The following GPC5 variants were observed in gnomAD, a reference collection of about 807,000 sequenced individuals.
GPC5 encodes the protein glypican-5.
In GPC5, 47 loss-of-function variants were observed where a neutral mutation model predicts 53.9. The observed-to-expected ratio is 0.87, with a 90% CI of 0.69 to 1.11. The LOEUF is 1.11. Ranked by LOEUF, GPC5 falls within the 50% of genes most tolerant of loss-of-function variation. GPC5 has a pLI of 0.00. For missense variants in GPC5, 748 were observed against 713.1 expected (o/e 1.05, Z -0.56); for synonymous variants, 286 against 263.3 (o/e 1.09, Z -0.84).
chr13:92,206,155 ATTT>A (rs1266783877), intron 7 of GPC5, among the ~76,000 whole-genome samples: 1 of 54,926 alleles, frequency 1.8e-5, no homozygotes, highest in Non-Finnish European at 3.5e-5. Flanking sequence ...TGTTTTTTTT[ATTT>A]TTTTTTTTAT....
intron 7 of GPC5, among the ~76,000 whole-genome samples, chr13:92,407,764 TAA>T (rs1875857174): frequency 6.6e-6 from 1 of 152,128 alleles, no homozygotes; most frequent in African/African-American, 2.4e-5. Context: ...TATAAAATAT[TAA>T]GACATAAAAA....
chr13:92,079,976 A>G (rs58351565), intron 6 of GPC5, among the ~76,000 whole-genome samples: 87 of 152,088 alleles, frequency 5.7e-4, no homozygotes, highest in African/African-American at 2.0e-3. Flanking sequence ...CTATCCTTTC[A>G]TTTTACAATT....
intron 2 of GPC5, among the ~76,000 whole-genome samples, chr13:91,466,605 G>A (rs1169339153): frequency 6.6e-6 from 1 of 152,092 alleles, no homozygotes. Flanking sequence ...TATTTTAATA[G>A]TCTGGGTGAG....
Position 92,762,471 on chromosome 13 carries a change from A to T in GPC5, c.1562-103811A>T, listed in dbSNP as rs915227055. On this transcript the variant is annotated intron_variant, in intron 7 of 7. Coordinates refer to ENST00000377067, the MANE Select transcript of GPC5 (RefSeq NM_004466.6). ...ATTTGTCTAACAAAGATTTTCTTAT[A>T]TGTGACTCGTTGCTTTTCTCTCACT... Among the ~76,000 whole-genome samples, 10 of 152,276 alleles carry T rather than the reference A, an allele frequency of 6.6e-5. No homozygotes were observed. In the Middle Eastern group the frequency reaches 0.01, roughly 155 times the overall value.
intron 6 of GPC5, among the ~76,000 whole-genome samples, chr13:91,956,770 C>T (rs2139068379): frequency 6.6e-6 from 1 of 152,290 alleles, no homozygotes; most frequent in African/African-American, 2.4e-5. Context: ...GAATCAAAGC[C>T]AAAGTACCCT....
At chr13:91,399,266 C>T (rs571095395) in intron 1 of GPC5, 57 bp downstream of exon 1, 2 of 1,564,406 alleles carry the variant, frequency 1.3e-6, no homozygotes, top group Non-Finnish European at 1.7e-6. Flanking sequence ...GCCTTCGCTC[C>T]CCCAGGCTCC....
At chr13:91,773,367 T>C (rs1346024366) in intron 5 of GPC5, among the ~76,000 whole-genome samples, 2 of 152,156 alleles carry the variant, frequency 1.3e-5, no homozygotes, top group African/African-American at 4.8e-5. Context: ...TTTGGATTTT[T>C]AAATACTGAT....
At chr13:92,069,519 G>T (rs929807853) in intron 6 of GPC5, among the ~76,000 whole-genome samples, 1 of 151,250 alleles carries the variant, frequency 6.6e-6, no homozygotes, top group South Asian at 2.1e-4. Context: ...TATACCTCAT[G>T]GCATCTCCAT....
intron 7 of GPC5, among the ~76,000 whole-genome samples, chr13:92,751,750 A>C (rs1337160368): frequency 1.3e-5 from 2 of 152,040 alleles, no homozygotes; most frequent in Non-Finnish European, 2.9e-5. Context: ...GTATAAAAAA[A>C]AATAAAAAAT....
chr13:92,440,748 GC>G lies in GPC5; in HGVS notation c.1561+295761del, dbSNP rs1319082023. Among the ~76,000 whole-genome samples the G allele has an allele frequency of 2.6e-5, 4 of 152,172 alleles. No individual in the cohort carries two copies. In the South Asian group the frequency reaches 6.2e-4, roughly 24 times the overall value. On this transcript the variant is annotated intron_variant, in intron 7 of 7. Coordinates refer to ENST00000377067, the MANE Select transcript of GPC5 (RefSeq NM_004466.6). ...ACTATACCCTTTTCTCCATAACTTT[GC>G]CAGCATCTGTTATTTTTTGAGGTTT...
Position 92,720,633 on chromosome 13 carries a change from C to A in GPC5, c.1562-145649C>A, listed in dbSNP as rs183979560. On this transcript the variant is annotated intron_variant, in intron 7 of 7. Coordinates refer to ENST00000377067, the MANE Select transcript of GPC5 (RefSeq NM_004466.6). ...TGATGTTACATAACGTACATAAATGCAAATATATTCTGAAATTAAATCCAC... is the reference window on the plus strand; with the variant it reads ...TGATGTTACATAACGTACATAAATGAAAATATATTCTGAAATTAAATCCAC... Among the ~76,000 whole-genome samples, 34 of 151,904 alleles carry A rather than the reference C, an allele frequency of 2.2e-4. No individual in the cohort carries two copies. In the East Asian group the frequency reaches 6.2e-3, roughly 28 times the overall value.
At chr13:91,710,028 G>A (rs7986797) in intron 3 of GPC5, among the ~76,000 whole-genome samples, 10,506 of 152,134 alleles carry the variant, frequency 0.069, 444 homozygotes, top group East Asian at 0.24. Flanking sequence ...CATGTTCCAG[G>A]TCTATTAAAG....
At chr13:92,647,482 A>G (rs12874570) in intron 7 of GPC5, among the ~76,000 whole-genome samples, 85,681 of 151,860 alleles carry the variant, frequency 0.56, 27,793 homozygotes, top group Non-Finnish European at 0.75. Flanking sequence ...CAGCACCCTC[A>G]GTTGACAGGA....
At chr13:91,895,642 T>C (rs542015765) in intron 5 of GPC5, among the ~76,000 whole-genome samples, 22 of 152,076 alleles carry the variant, frequency 1.4e-4, no homozygotes, top group African/African-American at 4.3e-4. Flanking sequence ...TTCTTTCTTT[T>C]TTTTTTTTTC....
intron 7 of GPC5, among the ~76,000 whole-genome samples, chr13:92,698,522 T>G (rs1887631770): frequency 6.6e-6 from 1 of 152,224 alleles, no homozygotes; most frequent in South Asian, 2.1e-4. Flanking sequence ...CTGCATAGTA[T>G]TCCATGATGT....
chr13:91,503,363 A>G (rs1187332570), intron 2 of GPC5, among the ~76,000 whole-genome samples: 1 of 152,178 alleles, frequency 6.6e-6, no homozygotes, highest in African/African-American at 2.4e-5. Flanking sequence ...AAGTTGACCA[A>G]GAATACCATT....
At chr13:92,401,766 A>G (rs564093455) in intron 7 of GPC5, among the ~76,000 whole-genome samples, 38 of 152,270 alleles carry the variant, frequency 2.5e-4, no homozygotes, top group Non-Finnish European at 4.7e-4. Flanking sequence ...TTTGGCTTTA[A>G]TTACCTGAGC....
chr13:92,002,926 T>C (rs2040568775), intron 6 of GPC5, among the ~76,000 whole-genome samples: 1 of 152,186 alleles, frequency 6.6e-6, no homozygotes, highest in Non-Finnish European at 1.5e-5. Context: ...TGTTGTTACT[T>C]AGAAACAAAG....
chr13:92,454,868 A>T (rs1401327974), intron 7 of GPC5, among the ~76,000 whole-genome samples: 1 of 152,150 alleles, frequency 6.6e-6, no homozygotes, highest in Non-Finnish European at 1.5e-5. Context: ...CATTCTGCTT[A>T]AAAAAATGCA....
Sources: gnomAD v4.1 joint callset for allele counts (sites outside exome capture counted in the v4.1 genomes callset) on GRCh38, gnomAD v4.1.1 for gene constraint, MANE v1.5 for transcripts, NCBI Gene and HGNC (gene_info 2026-07-23, HGNC 2026-07-21) for gene names.